Variants in MALRD1 observed in about 807,000 individuals in gnomAD.
MALRD1 encodes MAM and LDL-receptor class A domain-containing protein 1.
A neutral mutation model predicts 242.1 loss-of-function variants in MALRD1; 247 were observed. That is an observed-to-expected ratio of 1.02 (90% CI 0.92 to 1.13). The LOEUF (loss-of-function observed/expected upper bound fraction) is 1.13, where lower values mean the gene tolerates loss of function less well. Among genes scored for constraint, MALRD1 ranks in the 50% most tolerant of loss-of-function variants. The pLI, the probability that MALRD1 is intolerant of heterozygous loss-of-function variation, is 0.00. For missense variants in MALRD1, 2,989 were observed against 2,533.1 expected, an observed-to-expected ratio of 1.18 and a Z score of -3.86; for synonymous variants, 995 against 866.6, an observed-to-expected ratio of 1.15 and a Z score of -2.60.
chr10:19,459,791 A>G (rs555290759), intron 29 of MALRD1, among the ~76,000 whole-genome samples: 1 of 151,052 alleles, frequency 6.6e-6, no homozygotes, highest in South Asian at 2.1e-4. Context: ...TTATAATGAT[A>G]AATATTACTA....
intron 38 of MALRD1, among the ~76,000 whole-genome samples, chr10:19,720,274 T>G (rs374847403): frequency 1.1e-4 from 17 of 152,334 alleles, no homozygotes; most frequent in Admixed American, 7.8e-4. Flanking sequence ...TACCTTTTAC[T>G]GAAGCACATC....
chr10:19,343,814 C>G (rs552941342), intron 24 of MALRD1, among the ~76,000 whole-genome samples: 65 of 152,186 alleles, frequency 4.3e-4, no homozygotes, highest in Non-Finnish European at 7.2e-4. Flanking sequence ...TTTCCACGTC[C>G]TTGTGATGAT....
intron 2 of MALRD1, among the ~76,000 whole-genome samples, chr10:19,083,110 G>T (rs896364852): frequency 1.1e-4 from 16 of 152,136 alleles, no homozygotes; most frequent in African/African-American, 3.9e-4. Flanking sequence ...CCTCCCAAAA[G>T]TCTCATCTTC....
rs954190010 is a variant in MALRD1 at position 19,556,534 on chromosome 10, TG to T, written c.5479-10967del. The stretch of plus-strand genomic sequence containing the variant: ...CATACAGTAACTACGCTTTTCAGAT[TG>T]ACTTATTTCACTTAAAAATATACAT... On this transcript the variant is annotated intron_variant, in intron 32 of 39. Transcript: ENST00000454679. Among the ~76,000 whole-genome samples, 56 of 152,238 alleles carry T rather than the reference TG, an allele frequency of 3.7e-4. 1 individual carries two copies. Among genetic ancestry groups the T allele is most frequent in the African/African-American group, 1.3e-3 (56 of 41,548 alleles).
intron 20 of MALRD1, 87 bp downstream of exon 20, chr10:19,280,310 A>G (rs1222108444): frequency 9.8e-7 from 1 of 1,025,272 alleles, no homozygotes; most frequent in Non-Finnish European, 1.3e-6. Context: ...CTAGCATCAT[A>G]GTTAGATATA....
At chr10:19,669,111 AAG>A (rs1841805225) in intron 36 of MALRD1, among the ~76,000 whole-genome samples, 2 of 152,250 alleles carry the variant, frequency 1.3e-5, no homozygotes, top group Non-Finnish European at 2.9e-5. Flanking sequence ...CGGAAGCTGG[AAG>A]ATACTGGAGT....
intron 30 of MALRD1, among the ~76,000 whole-genome samples, chr10:19,492,840 C>T (rs1411217635): frequency 6.6e-6 from 1 of 151,984 alleles, no homozygotes; most frequent in African/African-American, 2.4e-5. Flanking sequence ...TGTAGGGTGA[C>T]CTTTTTGGAG....
At chr10:19,525,155 T>C (rs1834050507) in intron 31 of MALRD1, among the ~76,000 whole-genome samples, 1 of 151,872 alleles carries the variant, frequency 6.6e-6, no homozygotes, top group African/African-American at 2.4e-5. Flanking sequence ...CCCTAGGTGA[T>C]CTGCCCGCCT....
chr10:19,642,018 T>G (rs536258556), intron 36 of MALRD1, among the ~76,000 whole-genome samples: 2 of 152,308 alleles, frequency 1.3e-5, no homozygotes, highest in East Asian at 3.9e-4. Flanking sequence ...AAACTAATCT[T>G]GATCATTTGG....
At chr10:19,647,436 A>G (rs867252348) in intron 36 of MALRD1, among the ~76,000 whole-genome samples, 18 of 152,266 alleles carry the variant, frequency 1.2e-4, no homozygotes, top group South Asian at 1.0e-3. Context: ...TCCATAGGAA[A>G]GTGACTGTTA....
chr10:19,163,789 C>T lies in MALRD1; in HGVS notation c.1657-1848C>T, dbSNP rs576116566. On this transcript the variant is annotated intron_variant, in intron 12 of 39. Transcript: ENST00000454679. ...TATTTAATAACTTAAGAATTTAAGT[C>T]TCCATAATGCAAATTCTATAGAAAA... is the stretch of plus-strand genomic sequence containing the variant. 4.5e-4 allele frequency among the ~76,000 whole-genome samples: 68 copies of T among 152,256 alleles called. No individual in the cohort carries two copies. In the South Asian group the frequency reaches 6.2e-3, roughly 14 times the overall value.
At chr10:19,151,130 G>A (rs988523264) in intron 11 of MALRD1, among the ~76,000 whole-genome samples, 6 of 151,824 alleles carry the variant, frequency 4.0e-5, no homozygotes, top group South Asian at 2.1e-4. Context: ...CCAATTAATG[G>A]GTGTACAATG....
chr10:19,172,784 G>A (rs1185383383), intron 13 of MALRD1, among the ~76,000 whole-genome samples: 1 of 151,788 alleles, frequency 6.6e-6, no homozygotes, highest in Non-Finnish European at 1.5e-5. Context: ...AATGCAAGAT[G>A]TATTATAATC....
intron 36 of MALRD1, among the ~76,000 whole-genome samples, chr10:19,616,790 A>G (rs1237761083): frequency 1.3e-5 from 2 of 152,040 alleles, no homozygotes; most frequent in African/African-American, 2.4e-5. Context: ...AACAATAACA[A>G]AAATTTTATG....
In MALRD1 at chr10:19,124,542, T is replaced by A. The variant is rs538907684; in HGVS notation, c.815T>A (p.Phe272Tyr). ...EELRLCQACGFEFDMCEWTSE... is the reference protein window; with the variant it reads ...EELRLCQACGYEFDMCEWTSE... ...CGTTTAGTGTGTCAGGCCTGTGGGT[T>A]TGAATTTGACATGTGTGAGTGGACG... The change falls in exon 7 of 40, where the codon TTT becomes TAT. Residue 272 changes from phenylalanine (F) to tyrosine (Y), a missense_variant. Coordinates refer to ENST00000454679, the MANE Select transcript of MALRD1 (RefSeq NM_001142308.3). 8.1e-7 allele frequency: 1 copy of A among 1,233,866 alleles called. No homozygotes were observed. The highest frequency in any genetic ancestry group is 4.1e-5 in the South Asian group (1 of 24,406). 76.4% of individuals were successfully genotyped at this position (1,233,866 alleles called of 1,614,324 possible).
In MALRD1 at chr10:19,175,321, A is replaced by G. The variant is rs1835182612; in HGVS notation, c.1944A>G (p.Gln648=). The change falls in exon 14 of 40, where the codon CAA becomes CAG. Residue 648 remains glutamine (Q), a synonymous_variant. Transcript: ENST00000454679. The part of the protein sequence containing the change: ...SYKSLPRTST[Q]SKFSKCDFEA... ...AATCACTACCAAGGACCAGTACACA[A>G]AGCAAGTGTAAGTTTTTCCTTGTCG... is the stretch of plus-strand genomic sequence containing the variant. 8 of 1,230,252 alleles carry G rather than the reference A, an allele frequency of 6.5e-6. No individual in the cohort carries two copies. Among genetic ancestry groups the G allele is most frequent in the East Asian group, 3.2e-5 (1 of 31,528 alleles). The allele number at this position is 1,230,252 out of a possible 1,614,324, so 76.2% of individuals were successfully genotyped here.
chr10:19,096,337 A>G (rs1451613540), intron 4 of MALRD1, among the ~76,000 whole-genome samples: 1 of 152,196 alleles, frequency 6.6e-6, no homozygotes, highest in Non-Finnish European at 1.5e-5. Context: ...TATTCACTTG[A>G]GTGCTTTAAA....
At chr10:19,151,699 CAA>C (rs1216464240) in intron 11 of MALRD1, among the ~76,000 whole-genome samples, 1 of 152,010 alleles carries the variant, frequency 6.6e-6, no homozygotes, top group East Asian at 1.9e-4. Context: ...CCCTTCTATT[CAA>C]GAGTGTGCTT....
intron 21 of MALRD1, among the ~76,000 whole-genome samples, chr10:19,320,100 A>T (rs1234857009): frequency 7.6e-6 from 1 of 130,906 alleles, no homozygotes; most frequent in East Asian, 2.3e-4. Context: ...TATGTGCTGA[A>T]TGTGCAGGTT....
Sources: allele counts gnomAD v4.1 joint callset (sites outside exome capture counted in the v4.1 genomes callset), GRCh38; gene constraint gnomAD v4.1.1; transcripts MANE v1.5; gene names NCBI Gene and HGNC (gene_info 2026-07-23, HGNC 2026-07-21).